TMCO1: variants seen among roughly 807,000 people sequenced by gnomAD.
The protein encoded by TMCO1 is calcium load-activated calcium channel.
In TMCO1, 29 loss-of-function variants were observed where a neutral mutation model predicts 29.3. The observed-to-expected ratio is 0.99, with a 90% CI of 0.74 to 1.35. The LOEUF is 1.35. Ranked by LOEUF, TMCO1 falls within the 40% of genes most tolerant of loss-of-function variation. The probability of loss-of-function intolerance (pLI) is 0.00; values close to 1 mark genes in which losing one functional copy is unlikely to be tolerated. For missense variants in TMCO1, 173 were observed against 225.5 expected, an observed-to-expected ratio of 0.77 and a Z score of 1.49; for synonymous variants, 80 against 77.1, an observed-to-expected ratio of 1.04 and a Z score of -0.20.
At chr1:165,748,055 A>T (rs1264906654) in intron 5 of TMCO1, among the ~76,000 whole-genome samples, 3 of 152,036 alleles carry the variant, frequency 2.0e-5, no homozygotes, top group Non-Finnish European at 4.4e-5. Context: ...GCTACTCAGG[A>T]AGCTGAGGCA....
chr1:165,737,098 C>G (rs1163221283), intron 6 of TMCO1, among the ~76,000 whole-genome samples: 2 of 152,150 alleles, frequency 1.3e-5, no homozygotes, highest in Non-Finnish European at 2.9e-5. Context: ...AGCCACCACA[C>G]CAGCCCAGCA....
intron 4 of TMCO1, 51 bp downstream of exon 4, chr1:165,754,177 T>C: frequency 6.7e-7 from 1 of 1,501,640 alleles, no homozygotes. Flanking sequence ...AATCAGTCTT[T>C]TGCTAAAAAT....
At chr1:165,749,311 T>C (rs953080302) in intron 5 of TMCO1, among the ~76,000 whole-genome samples, 6 of 152,030 alleles carry the variant, frequency 3.9e-5, no homozygotes, top group South Asian at 2.1e-4. Flanking sequence ...CCCCCGTATA[T>C]GATTCTGATG....
chr1:165,763,122 T>A (rs1652454184), intron 2 of TMCO1, among the ~76,000 whole-genome samples: 1 of 152,166 alleles, frequency 6.6e-6, no homozygotes, highest in African/African-American at 2.4e-5. Context: ...GTAACCTGTA[T>A]CAAATTCTGA....
rs188462042 is a variant in TMCO1 at position 165,754,412 on chromosome 1, A to G, written c.209-138T>C. ...ATAAGATGATGAAAACACCTGGGAT[A>G]GTATACGTTTTGTACTCAGAAGATT... On this transcript the variant is annotated intron_variant, in intron 3 of 6. Coordinates refer to ENST00000367881, the MANE Select transcript of TMCO1 (RefSeq NM_019026.6). 1,000 of 683,646 alleles carry G rather than the reference A, an allele frequency of 1.5e-3. 9 individuals are homozygous for G. The African/African-American group carries it at 0.015, about 11-fold the overall frequency. The allele number at this position is 683,646 out of a possible 1,614,324, so 42.3% of individuals were successfully genotyped here. A position where few individuals can be genotyped will look rare whatever the true frequency, so the allele number is the denominator to read the frequency against.
downstream of TMCO1, chr1:165,725,024 C>CTCTCTCTCTCTCTCTATA (rs1415499190): frequency 1.1e-5 from 1 of 90,746 alleles, no homozygotes; most frequent in Non-Finnish European, 2.2e-5. Flanking sequence ...CTCTCTCTCT[C>CTCTCTCTCTCTCTCTATA]TATATATATA....
intron 5 of TMCO1, among the ~76,000 whole-genome samples, chr1:165,746,762 C>G (rs527991504): frequency 2.0e-5 from 3 of 152,078 alleles, no homozygotes; most frequent in Non-Finnish European, 2.9e-5. Flanking sequence ...GAGTATTTAA[C>G]CCTCTTCTGG....
At chr1:165,754,198 T>C (rs1652106430) in intron 4 of TMCO1, 30 bp downstream of exon 4, 5 of 1,583,954 alleles carry the variant, frequency 3.2e-6, no homozygotes, top group Non-Finnish European at 4.3e-6. Flanking sequence ...ATTATGTGGT[T>C]AACCATGAAG....
Position 165,768,708 on chromosome 1 carries a change from G to A in TMCO1, c.44C>T (p.Ser15Phe), listed in dbSNP as rs1652676730. 1 of 1,614,130 alleles carries A rather than the reference G, an allele frequency of 6.2e-7. No individual in the cohort carries two copies. The highest frequency in any genetic ancestry group is 8.5e-7 in the Non-Finnish European group (1 of 1,180,028). Residue 15 changes from serine (S) to phenylalanine (F), a missense_variant, in exon 1 of 7, where the codon TCT becomes TTT. Coordinates refer to ENST00000367881, the MANE Select transcript of TMCO1 (RefSeq NM_019026.6). ...CTCTGCGAGCAGAGCCGTGCACACA[G>A]AGATAAAAACGATGAGGAGAGTGTC... ...FADTLLIVFI[S>F]VCTALLAEGI...
chr1:165,744,790 C>CAAAA (rs558392976), intron 5 of TMCO1, among the ~76,000 whole-genome samples: 3 of 104,008 alleles, frequency 2.9e-5, no homozygotes, highest in African/African-American at 3.9e-5. Flanking sequence ...AACTCCATCT[C>CAAAA]AAAAAAAAAA....
At chr1:165,731,066 A>C (rs932385306) in intron 6 of TMCO1, among the ~76,000 whole-genome samples, 6 of 151,850 alleles carry the variant, frequency 4.0e-5, no homozygotes, top group African/African-American at 1.5e-4. Flanking sequence ...TGCCCAGCTA[A>C]TTTTTTGTAT....
chr1:165,737,834 T>C (rs907389615), intron 6 of TMCO1, among the ~76,000 whole-genome samples: 11 of 152,220 alleles, frequency 7.2e-5, no homozygotes, highest in African/African-American at 2.4e-4. Flanking sequence ...AGACTTGCAC[T>C]ATAAGAAGCA....
chr1:165,742,292 C>T (rs1651628531), intron 6 of TMCO1, among the ~76,000 whole-genome samples: 1 of 151,936 alleles, frequency 6.6e-6, no homozygotes, highest in Non-Finnish European at 1.5e-5. Context: ...AGACAGGGTC[C>T]CGCTCTGCTG....
intron 5 of TMCO1, among the ~76,000 whole-genome samples, chr1:165,749,473 C>T (rs1651919641): frequency 6.6e-6 from 1 of 152,022 alleles, no homozygotes; most frequent in African/African-American, 2.4e-5. Context: ...AACCAAATAC[C>T]AAAATAAATT....
At chr1:165,753,467 TG>T (rs1483846285) in intron 4 of TMCO1, among the ~76,000 whole-genome samples, 13 of 113,250 alleles carry the variant, frequency 1.1e-4, no homozygotes, top group African/African-American at 4.4e-4. Context: ...AGCAAGACTC[TG>T]TCTCAAAAAA....
At chr1:165,767,881 C>A (rs1652633958) in intron 2 of TMCO1, among the ~76,000 whole-genome samples, 1 of 152,198 alleles carries the variant, frequency 6.6e-6, no homozygotes, top group South Asian at 2.1e-4. Flanking sequence ...CCTATGTTGC[C>A]CAGGCTGGTG....
chr1:165,743,724 G>C (rs1397740684), intron 5 of TMCO1, among the ~76,000 whole-genome samples: 4 of 151,988 alleles, frequency 2.6e-5, no homozygotes, highest in Non-Finnish European at 4.4e-5. Flanking sequence ...CACAATCTCG[G>C]CTCATTGCAA....
rs1232256477 is a variant in TMCO1, at chr1:165,768,186, A to G, written c.148+6T>C. ...GAAATTATTTCTAATGTGTTGCCAT[A>G]CTCACATTTTTTACTCTGTTTTTCC... is the stretch of plus-strand genomic sequence containing the variant. On this transcript the variant is annotated splice_donor_region_variant and intron_variant, in intron 2 of 6. Coordinates refer to ENST00000367881, the MANE Select transcript of TMCO1 (RefSeq NM_019026.6). 1 of 1,607,460 alleles carries G rather than the reference A, an allele frequency of 6.2e-7. No individual in the cohort carries two copies. The highest frequency in any genetic ancestry group is 1.1e-5 in the South Asian group (1 of 90,932).
intron 6 of TMCO1, among the ~76,000 whole-genome samples, chr1:165,738,369 C>T (rs900510785): frequency 2.6e-5 from 4 of 152,162 alleles, no homozygotes; most frequent in Non-Finnish European, 5.9e-5. Context: ...GGGAAAATCA[C>T]GGTACAGTCT....
Sources: gnomAD v4.1 joint callset for allele counts (sites outside exome capture counted in the v4.1 genomes callset) on GRCh38, gnomAD v4.1.1 for gene constraint, MANE v1.5 for transcripts, NCBI Gene and HGNC (gene_info 2026-07-23, HGNC 2026-07-21) for gene names.